Variants in GPC6 observed in about 807,000 individuals in gnomAD.
The protein encoded by GPC6 is glypican 6.
Under a neutral mutation model 55.2 loss-of-function variants are expected in GPC6, and 14 were observed. That is an observed-to-expected ratio of 0.25 (90% CI 0.17 to 0.40). The LOEUF (loss-of-function observed/expected upper bound fraction) is 0.40, where lower values mean the gene tolerates loss of function less well. GPC6 is among the 10% of genes least tolerant of loss of function. GPC6 has a pLI of 1.00. For synonymous variants in GPC6, 278 were observed against 259.6 expected (o/e 1.07, Z -0.68); for missense variants, 641 against 708.5 (o/e 0.90, Z 1.08).
chr13:94,316,058 C>A (rs184326110), intron 6 of GPC6, among the ~76,000 whole-genome samples: 3 of 152,274 alleles, frequency 2.0e-5, no homozygotes, highest in Admixed American at 2.0e-4. Context: ...TTGGACACCC[C>A]CACTTTAGAG....
intron 2 of GPC6, among the ~76,000 whole-genome samples, chr13:93,605,842 TA>T (rs1193693750): frequency 0.01 from 676 of 65,924 alleles, 3 homozygotes; most frequent in African/African-American, 0.022. Flanking sequence ...ACCGTCTCAA[TA>T]AAAAAAAAAA....
intron 4 of GPC6, among the ~76,000 whole-genome samples, chr13:94,231,828 AAC>A (rs1890737269): frequency 6.6e-6 from 1 of 151,882 alleles, no homozygotes; most frequent in Non-Finnish European, 1.5e-5. Context: ...TTAAAATGAA[AAC>A]ACAAAAAAAA....
intron 1 of GPC6, among the ~76,000 whole-genome samples, chr13:93,426,751 C>A (rs1042445024): frequency 2.0e-5 from 3 of 152,000 alleles, no homozygotes; most frequent in African/African-American, 7.3e-5. Flanking sequence ...GGGTATACAC[C>A]CAGTAATGGG....
chr13:93,565,651 C>T lies in GPC6; in HGVS notation c.319+20230C>T, dbSNP rs1055487478. On this transcript the variant is annotated intron_variant, in intron 2 of 8. Transcript: ENST00000377047. ...AAAAACACATCTGGTCAGCTGGGCA[C>T]GGTGGCTCACACCTTTAATCCCAGC... Among the ~76,000 whole-genome samples, 3 of 152,040 alleles carry T rather than the reference C, an allele frequency of 2.0e-5. 1 individual carries two copies. The highest frequency in any genetic ancestry group is 4.2e-4 in the South Asian group (2 of 4,818).
chr13:93,340,581 G>A lies in GPC6; in HGVS notation c.160+112965G>A, dbSNP rs75566177. Among the ~76,000 whole-genome samples the A allele has an allele frequency of 9.2e-3, 1,406 of 152,240 alleles. 124 individuals are homozygous for A. The East Asian group carries it at 0.22, about 24-fold the overall frequency. On this transcript the variant is annotated intron_variant, in intron 1 of 8. Coordinates refer to ENST00000377047, the MANE Select transcript of GPC6 (RefSeq NM_005708.5). Reference sequence around the variant, plus strand: ...TGGGATGAGGAGGCAGCCATGCAAGGTGCTGATCATTTCAGCTGATGGAAG... The same window carrying A: ...TGGGATGAGGAGGCAGCCATGCAAGATGCTGATCATTTCAGCTGATGGAAG...
chr13:93,543,055 C>T (rs1332936822), intron 1 of GPC6, among the ~76,000 whole-genome samples: 2 of 152,102 alleles, frequency 1.3e-5, no homozygotes, highest in Non-Finnish European at 2.9e-5. Flanking sequence ...GAACTTCCGA[C>T]ACTATGTTGA....
intron 4 of GPC6, among the ~76,000 whole-genome samples, chr13:94,044,716 G>T (rs1334299044): frequency 2.0e-5 from 3 of 151,772 alleles, no homozygotes; most frequent in Non-Finnish European, 4.4e-5. Context: ...TCCTCTGGAA[G>T]GCTTGTATCA....
At chr13:93,555,879 C>T (rs1267219795) in intron 2 of GPC6, among the ~76,000 whole-genome samples, 1 of 152,120 alleles carries the variant, frequency 6.6e-6, no homozygotes, top group African/African-American at 2.4e-5. Flanking sequence ...GTTCTCTGCT[C>T]CACCACACTT....
intron 1 of GPC6, among the ~76,000 whole-genome samples, chr13:93,418,243 A>C (rs978742185): frequency 6.6e-6 from 1 of 151,836 alleles, no homozygotes; most frequent in Non-Finnish European, 1.5e-5. Flanking sequence ...GATAAATGGA[A>C]TAAATAACCC....
chr13:94,383,491 G>T (rs541882651), intron 7 of GPC6, among the ~76,000 whole-genome samples: 1 of 152,310 alleles, frequency 6.6e-6, no homozygotes, highest in South Asian at 2.1e-4. Flanking sequence ...AACACTTTGG[G>T]GGGCCAAGGT....
intron 1 of GPC6, among the ~76,000 whole-genome samples, chr13:93,252,264 T>TC (rs1301515618): frequency 2.1e-4 from 32 of 151,182 alleles, no homozygotes; most frequent in African/African-American, 7.1e-4. Context: ...AGCAGTTCCC[T>TC]TTTTTTTCCC....
chr13:93,432,038 T>C (rs9524059), intron 1 of GPC6, among the ~76,000 whole-genome samples: 14,795 of 152,182 alleles, frequency 0.097, 1,098 homozygotes, highest in East Asian at 0.3. Context: ...ATAATCTACA[T>C]ACGTCACCAG....
intron 4 of GPC6, among the ~76,000 whole-genome samples, chr13:94,166,136 T>C (rs965561145): frequency 6.6e-6 from 1 of 152,196 alleles, no homozygotes; most frequent in African/African-American, 2.4e-5. Context: ...ACCTGACTCC[T>C]AGCACTGGAT....
intron 4 of GPC6, among the ~76,000 whole-genome samples, chr13:94,271,382 G>GCACGCA (rs1555313911): frequency 3.9e-5 from 5 of 126,684 alleles, no homozygotes; most frequent in Non-Finnish European, 8.7e-5. Flanking sequence ...GCGCGCGCGC[G>GCACGCA]CACACACACA....
intron 1 of GPC6, among the ~76,000 whole-genome samples, chr13:93,258,299 G>T (rs557401205): frequency 6.6e-6 from 1 of 152,306 alleles, no homozygotes; most frequent in South Asian, 2.1e-4. Context: ...CAACAGTGAA[G>T]AACTCATTCT....
chr13:93,996,206 T>G (rs191683196), intron 3 of GPC6, among the ~76,000 whole-genome samples: 2 of 152,316 alleles, frequency 1.3e-5, no homozygotes, highest in East Asian at 3.9e-4. Flanking sequence ...ATTTTTGGAA[T>G]AGTATAATGG....
chr13:93,220,794 A>G, the GPC6 span, among the ~76,000 whole-genome samples: 4 of 152,204 alleles, frequency 2.6e-5, no homozygotes, highest in African/African-American at 7.2e-5. Context: ...TTTAATACCT[A>G]AGATGTAGTT....
Position 93,404,217 on chromosome 13 carries a change from C to T in GPC6, c.161-141046C>T, listed in dbSNP as rs78801799. Among the ~76,000 whole-genome samples, 245 of 152,136 alleles carry T rather than the reference C, an allele frequency of 1.6e-3. 1 individual carries two copies. Among genetic ancestry groups the T allele is most frequent in the Non-Finnish European group, 2.3e-3 (155 of 67,996 alleles). ...AAAAAATAAAACAAACCAACTATAA[C>T]GAAGACTGGAGTTCTGGGATTTGAT... On this transcript the variant is annotated intron_variant, in intron 1 of 8. Transcript: ENST00000377047.
At position 94,194,180 on chromosome 13, in the gene GPC6, ATATT is replaced by A. The variant is rs199630165; in HGVS notation, c.878-92160_878-92157del. On this transcript the variant is annotated intron_variant, in intron 4 of 8. Coordinates refer to ENST00000377047, the MANE Select transcript of GPC6 (RefSeq NM_005708.5). ...AGTATATGTATACTCATACATGTAC[ATATT>A]TATTTATTAAAGTTGCCTGATTTAG... Among the ~76,000 whole-genome samples the A allele has an allele frequency of 8.7e-3, 1,318 of 152,344 alleles. 9 individuals are homozygous for A. The highest frequency in any genetic ancestry group is 0.024 in the Middle Eastern group (7 of 294).
Sources: gnomAD v4.1 joint callset for allele counts (sites outside exome capture counted in the v4.1 genomes callset) on GRCh38, gnomAD v4.1.1 for gene constraint, MANE v1.5 for transcripts, NCBI Gene and HGNC (gene_info 2026-07-23, HGNC 2026-07-21) for gene names.